ZNF596: variants seen among roughly 807,000 people sequenced by gnomAD.
The protein encoded by ZNF596 is zinc finger protein 596.
ZNF596 carries 45 observed loss-of-function variants against 48.3 expected under a neutral mutation model. That is an observed-to-expected ratio of 0.93 (90% CI 0.73 to 1.19). The LOEUF (loss-of-function observed/expected upper bound fraction) is 1.19, where lower values mean the gene tolerates loss of function less well. ZNF596 is among the 50% of genes most tolerant of loss of function. ZNF596 has a pLI of 0.00. For synonymous variants in ZNF596, 270 were observed against 202.0 expected (o/e 1.34, Z -2.85); for missense variants, 848 against 599.7 (o/e 1.41, Z -4.32).
Position 247,223 on chromosome 8 carries a change from TAA to T in ZNF596, c.*863_*864del, listed in dbSNP as rs1797126383. The stretch of plus-strand genomic sequence containing the variant: ...TTGAGAAAAAAATTATAATTTTGAA[TAA>T]AGACTTTCTACTTAAAATATGTGGG... On this transcript the variant is annotated 3_prime_UTR_variant, in exon 6 of 6. Coordinates refer to ENST00000398612, the MANE Select transcript of ZNF596 (RefSeq NM_001042416.3). 2 of 152,182 alleles carry T rather than the reference TAA, an allele frequency of 1.3e-5. No homozygotes were observed. 9.4% of individuals were successfully genotyped at this position (152,182 alleles called of 1,614,324 possible). A position where few individuals can be genotyped will look rare whatever the true frequency, so the allele number is the denominator to read the frequency against.
intron 3 of ZNF596, 68 bp downstream of exon 3, chr8:243,081 C>A: frequency 7.0e-7 from 1 of 1,435,280 alleles, no homozygotes; most frequent in South Asian, 1.3e-5. Flanking sequence ...TTCACTGATT[C>A]ATTCTTTCAT....
At chr8:240,795 T>C in intron 1 of ZNF596, 29 bp from the exon 2 acceptor site, 1 of 1,467,072 alleles carries the variant, frequency 6.8e-7, no homozygotes, top group Non-Finnish European at 9.5e-7. Context: ...TGTCATGGTT[T>C]TTTTGTTTTT....
At chr8:240,459 C>T (rs889148108) in intron 1 of ZNF596, 2 of 180,938 alleles carry the variant, frequency 1.1e-5, no homozygotes, top group Non-Finnish European at 2.3e-5. Context: ...GCACACAAAC[C>T]GAGAATAATT....
At position 245,448 on chromosome 8, in the gene ZNF596, G is replaced by T. The variant is rs756152260; in HGVS notation, c.601G>T (p.Gly201Trp). The change falls in exon 6 of 6, where the codon GGG becomes TGG. Residue 201 changes from glycine to tryptophan, a missense_variant. Coordinates refer to ENST00000398612, the MANE Select transcript of ZNF596 (RefSeq NM_001042416.3). ...REITLECRVCGKTFSKNSNLR... is the reference protein window; with the variant it reads ...REITLECRVCWKTFSKNSNLR... The stretch of plus-strand genomic sequence containing the variant: ...GATAACATTGGAATGTCGTGTGTGT[G>T]GGAAAACCTTTAGCAAAAATTCTAA... 3 of 1,614,036 alleles carry T rather than the reference G, an allele frequency of 1.9e-6. No individual in the cohort carries two copies. Among genetic ancestry groups the T allele is most frequent in the Non-Finnish European group, 1.7e-6 (2 of 1,180,030 alleles).
intron 1 of ZNF596, among the ~76,000 whole-genome samples, chr8:239,962 A>C (rs1284610169): frequency 6.6e-6 from 1 of 152,186 alleles, no homozygotes; most frequent in East Asian, 1.9e-4. Context: ...TGAAGTTCCA[A>C]GGCATTACGA....
chr8:232,747 T>G (rs1189007413), intron 1 of ZNF596, 53 bp downstream of exon 1: 2 of 413,714 alleles, frequency 4.8e-6, no homozygotes, highest in African/African-American at 4.2e-5. Flanking sequence ...TCGCCCCTCT[T>G]GGCCCCTCAG....
chr8:243,538 G>A (rs930567187), intron 3 of ZNF596, 184 bp from the exon 4 acceptor site: 1 of 482,336 alleles, frequency 2.1e-6, no homozygotes, highest in South Asian at 3.2e-5. Context: ...TTTTATGTCT[G>A]GGAACAAGTT....
rs1797019164 is a variant in ZNF596, at chr8:245,279, T to C, written c.432T>C (p.Phe144=). 3 of 1,614,102 alleles carry C rather than the reference T, an allele frequency of 1.9e-6. No individual in the cohort carries two copies. Among genetic ancestry groups the C allele is most frequent in the Non-Finnish European group, 2.5e-6 (3 of 1,180,008 alleles). The stretch of plus-strand genomic sequence containing the variant: ...CGAAACACTTTGTAAGCAAAAAGTT[T>C]GGGAAAATCTTCAGTGACTGGTTAT... ...MRTKHFVSKK[F]GKIFSDWLSF... The change falls in exon 6 of 6, where the codon TTT becomes TTC. Residue 144 remains phenylalanine, a synonymous_variant. Coordinates refer to ENST00000398612, the MANE Select transcript of ZNF596 (RefSeq NM_001042416.3).
chr8:244,724 C>T, intron 5 of ZNF596, 23 bp downstream of exon 5: 1 of 1,588,426 alleles, frequency 6.3e-7, no homozygotes, highest in Non-Finnish European at 8.6e-7. Flanking sequence ...GATGCAAACC[C>T]TGTTCTTACA....
At chr8:240,034 G>T (rs1318013018) in intron 1 of ZNF596, among the ~76,000 whole-genome samples, 4 of 152,218 alleles carry the variant, frequency 2.6e-5, no homozygotes, top group African/African-American at 9.6e-5. Context: ...TAGCAACTCT[G>T]TTGCTTAGGA....
intron 1 of ZNF596, among the ~76,000 whole-genome samples, chr8:235,718 C>T (rs1796591185): frequency 6.6e-6 from 1 of 152,106 alleles, no homozygotes; most frequent in South Asian, 2.1e-4. Context: ...AACCAAAATC[C>T]TTCCTTCACG....
At chr8:235,735 G>A (rs1290958824) in intron 1 of ZNF596, among the ~76,000 whole-genome samples, 1 of 151,860 alleles carries the variant, frequency 6.6e-6, no homozygotes, top group Non-Finnish European at 1.5e-5. Context: ...CACGCCCTTT[G>A]ATTTTATGTT....
chr8:242,799 A>G (rs759830650), intron 2 of ZNF596, 88 bp from the exon 3 acceptor site: 16 of 1,272,734 alleles, frequency 1.3e-5, no homozygotes, highest in Non-Finnish European at 1.6e-5. Context: ...TACCACCCAC[A>G]CTTCCTTAGT....
At chr8:240,284 T>C (rs568458648) in intron 1 of ZNF596, 2 of 152,470 alleles carry the variant, frequency 1.3e-5, no homozygotes, top group East Asian at 1.9e-4. Context: ...GATAAATTCA[T>C]GCTACATTTA....
At chr8:243,330 T>A (rs541901517) in intron 3 of ZNF596, 44 of 270,294 alleles carry the variant, frequency 1.6e-4, no homozygotes, top group Non-Finnish European at 2.5e-4. Flanking sequence ...ATGTATTGAT[T>A]TCTTTAAAGT....
In ZNF596 at chr8:245,467, A is replaced by G. The variant is rs747346416; in HGVS notation, c.620A>G (p.Asn207Ser). The G allele has an allele frequency of 1.9e-6, 3 of 1,614,074 alleles. No homozygotes were observed. The African/African-American group carries it at 4.0e-5, about 22-fold the overall frequency. The change falls in exon 6 of 6, where the codon AAT becomes AGT. Residue 207 changes from asparagine to serine, a missense_variant. Asn to Ser is a conservative substitution (Grantham distance 46). Transcript: ENST00000398612. ...CRVCGKTFSK[N>S]SNLRRHEMIH... is the part of the protein sequence containing the mutation. ...GTGTGTGGGAAAACCTTTAGCAAAAATTCTAATCTTAGGCGACATGAGATG... is the reference window on the plus strand; with the variant it reads ...GTGTGTGGGAAAACCTTTAGCAAAAGTTCTAATCTTAGGCGACATGAGATG...
In ZNF596 at chr8:241,003, C is replaced by G. The variant is rs1796832031; in HGVS notation, c.12+96C>G. 5.6e-6 allele frequency: 8 copies of G among 1,429,136 alleles called. No homozygotes were observed. The East Asian group carries it at 1.8e-4, about 32-fold the overall frequency. 88.5% of individuals were successfully genotyped at this position (1,429,136 alleles called of 1,614,324 possible). A position where few individuals can be genotyped will look rare whatever the true frequency, so the allele number is the denominator to read the frequency against. ...TTAACATGGATGTTCTAAGTGCACT[C>G]AAGGATCCAAGCTCCAATTAAGATT... On this transcript the variant is annotated intron_variant, in intron 2 of 5. Coordinates refer to ENST00000398612, the MANE Select transcript of ZNF596 (RefSeq NM_001042416.3).
rs1344332494 is a variant in ZNF596 at position 245,493 on chromosome 8, A to C, written c.646A>C (p.Ile216Leu). ...TTCTAATCTTAGGCGACATGAGATG[A>C]TTCACACTGGAGAGAAACCACACGG... ...KNSNLRRHEMIHTGEKPHGCH... is the reference protein window; with the variant it reads ...KNSNLRRHEMLHTGEKPHGCH... Residue 216 changes from isoleucine (I) to leucine (L), a missense_variant, in exon 6 of 6, where the codon ATT (isoleucine) becomes CTT (leucine). By Grantham distance (5) the Ile-to-Leu change is conservative. Coordinates refer to ENST00000398612, the MANE Select transcript of ZNF596 (RefSeq NM_001042416.3). 4 of 1,614,224 alleles carry C rather than the reference A, an allele frequency of 2.5e-6. No homozygotes were observed. The Admixed American group carries it at 6.7e-5, about 27-fold the overall frequency.
rs1797112336 is a variant in ZNF596, at chr8:246,908, A to G, written c.*546A>G. The G allele has an allele frequency of 6.5e-6, 1 of 153,774 alleles. No individual in the cohort carries two copies. Among genetic ancestry groups the G allele is most frequent in the African/African-American group, 2.4e-5 (1 of 41,456 alleles). 9.5% of individuals were successfully genotyped at this position (153,774 alleles called of 1,614,324 possible). On this transcript the variant is annotated 3_prime_UTR_variant, in exon 6 of 6. Coordinates refer to ENST00000398612, the MANE Select transcript of ZNF596 (RefSeq NM_001042416.3). ...ACATTCATAGTGGAGAAGTTATTCA[A>G]TGAAAACTCATGAGAAATCCTTTTC...
Sources: gnomAD v4.1 joint callset for allele counts (sites outside exome capture counted in the v4.1 genomes callset) on GRCh38, gnomAD v4.1.1 for gene constraint, MANE v1.5 for transcripts, NCBI Gene and HGNC (gene_info 2026-07-23, HGNC 2026-07-21) for gene names.